Variants in CIT observed in about 807,000 individuals in gnomAD.
CIT encodes citron Rho-interacting kinase.
CIT carries 79 observed loss-of-function variants against 272.7 expected under a neutral mutation model. The observed-to-expected ratio is 0.29, with a 90% CI of 0.24 to 0.35. The LOEUF (loss-of-function observed/expected upper bound fraction) is 0.35. CIT is among the 10% of genes least tolerant of loss of function. CIT has a pLI of 1.00. For synonymous variants in CIT, 948 were observed against 995.6 expected, an observed-to-expected ratio of 0.95 and a Z score of 0.90; for missense variants, 1,909 against 2,618.3, an observed-to-expected ratio of 0.73 and a Z score of 5.91.
Position 119,712,769 on chromosome 12 carries a change from G to A in CIT, c.4580-74C>T. The A allele has an allele frequency of 8.0e-7, 1 of 1,250,162 alleles. No homozygotes were observed. The highest frequency in any genetic ancestry group is 1.8e-5 in the Admixed American group (1 of 56,478). The allele number at this position is 1,250,162 out of a possible 1,614,324, so 77.4% of individuals were successfully genotyped here. On this transcript the variant is annotated intron_variant, in intron 35 of 47. Coordinates refer to ENST00000392521, the MANE Select transcript of CIT (RefSeq NM_001206999.2). This position sits in a 1 kb window ranked among gnomAD's most constrained non-coding sequence, Gnocchi z 5.2. The stretch of plus-strand genomic sequence containing the variant: ...AGAACAAGGGGAGAAGAGAGAGCGA[G>A]AGAGACAGCAAGGGAGAGAGAGACA...
intron 46 of CIT, among the ~76,000 whole-genome samples, chr12:119,692,751 A>G (rs1956025632): frequency 6.6e-6 from 1 of 152,226 alleles, no homozygotes; most frequent in Non-Finnish European, 1.5e-5. Flanking sequence ...GTGTGCAGAG[A>G]TAATTTCATA....
chr12:119,699,273 A>T (rs919889284), intron 44 of CIT, among the ~76,000 whole-genome samples: 22 of 152,012 alleles, frequency 1.4e-4, no homozygotes, highest in African/African-American at 5.3e-4. Context: ...AAAAAAAAAA[A>T]AAAGACTGGG....
At chr12:119,777,082 C>T (rs1022733767) in intron 13 of CIT, among the ~76,000 whole-genome samples, 1 of 152,110 alleles carries the variant, frequency 6.6e-6, no homozygotes, top group Non-Finnish European at 1.5e-5. Flanking sequence ...TGGTGAAACA[C>T]TGTCTCTGCT....
At position 119,857,679 on chromosome 12, in the gene CIT, C is replaced by T. The variant is rs1302758620; in HGVS notation, c.258G>A (p.Glu86=). 6.2e-7 allele frequency: 1 copy of T among 1,614,000 alleles called. No individual in the cohort carries two copies. The highest frequency in any genetic ancestry group is 1.1e-5 in the South Asian group (1 of 91,074). The change falls in exon 4 of 48, where the codon GAG becomes GAA. Residue 86 remains glutamate (E), a synonymous_variant. Coordinates refer to ENST00000392521, the MANE Select transcript of CIT (RefSeq NM_001206999.2). ...TTGCCGAAGGCTGGAGCTCCTGTAA[C>T]TCAGCTATGGTGTCGGAATCTGCAA... ...FVRKYSDTIA[E]LQELQPSAKD... is the part of the protein sequence containing the mutation.
chr12:119,796,462 T>C (rs1009804136), intron 10 of CIT, among the ~76,000 whole-genome samples: 2 of 152,082 alleles, frequency 1.3e-5, no homozygotes, highest in African/African-American at 4.8e-5. Context: ...CAGAAAAGAA[T>C]TTACGATGAC....
At chr12:119,803,116 C>A (rs1315131553) in intron 10 of CIT, 90 bp downstream of exon 10, 3 of 381,010 alleles carry the variant, frequency 7.9e-6, no homozygotes, top group East Asian at 6.9e-5. Context: ...GCACTCCCCC[C>A]ACCTATTCCC....
intron 24 of CIT, among the ~76,000 whole-genome samples, chr12:119,740,200 T>G (rs899322706): frequency 6.6e-6 from 1 of 152,198 alleles, no homozygotes; most frequent in Non-Finnish European, 1.5e-5. Flanking sequence ...AAGCAAAGAT[T>G]AGAAGTCACC....
At position 119,745,376 on chromosome 12, in the gene CIT, A is replaced by AAAAAAAAAAAAAAAAAAAAAAAC; in HGVS notation, c.2905-2935_2905-2913dup. Among the ~76,000 whole-genome samples the AAAAAAAAAAAAAAAAAAAAAAAC allele has an allele frequency of 3.2e-5, 4 of 126,058 alleles. 1 individual carries two copies. Among genetic ancestry groups the AAAAAAAAAAAAAAAAAAAAAAAC allele is most frequent in the African/African-American group, 9.6e-5 (3 of 31,120 alleles). 82.7% of individuals were successfully genotyped at this position (126,058 alleles called of 152,430 possible). A position where few individuals can be genotyped will look rare whatever the true frequency, so the allele number is the denominator to read the frequency against. On this transcript the variant is annotated intron_variant, in intron 23 of 47. Coordinates refer to ENST00000392521, the MANE Select transcript of CIT (RefSeq NM_001206999.2). ...AAATAAAAAACAGAAGAAACAAGCA[A>AAAAAAAAAAAAAAAAAAAAAAAC]AAAAAAAAAAAAAAAAAAAAAACAC...
At chr12:119,868,258 G>C (rs1479287181) in intron 3 of CIT, among the ~76,000 whole-genome samples, 1 of 151,980 alleles carries the variant, frequency 6.6e-6, no homozygotes, top group Non-Finnish European at 1.5e-5. Context: ...GACTACATTA[G>C]TATAAAGATG....
chr12:119,745,856 C>T (rs980650742), intron 23 of CIT, among the ~76,000 whole-genome samples: 2 of 151,822 alleles, frequency 1.3e-5, no homozygotes, highest in African/African-American at 4.8e-5. Context: ...GACAGAATCA[C>T]AGACAGATTT....
intron 27 of CIT, 133 bp downstream of exon 27, chr12:119,730,362 C>A: frequency 1.9e-6 from 2 of 1,062,544 alleles, no homozygotes; most frequent in Non-Finnish European, 2.5e-6. Flanking sequence ...AACCATGGGA[C>A]ATTTTTGGAG....
At chr12:119,869,890 A>T (rs771302291) in intron 2 of CIT, among the ~76,000 whole-genome samples, 2 of 152,174 alleles carry the variant, frequency 1.3e-5, no homozygotes, top group Non-Finnish European at 2.9e-5. Context: ...GATGACGCTG[A>T]GCTGGAGCTG....
chr12:119,714,073 A>T, intron 33 of CIT, 124 bp downstream of exon 33: 2 of 1,109,208 alleles, frequency 1.8e-6, no homozygotes, highest in Non-Finnish European at 2.5e-6. Flanking sequence ...CCTCCTACTG[A>T]AGTAAGAAGC....
intron 10 of CIT, among the ~76,000 whole-genome samples, chr12:119,799,057 T>C (rs990844203): frequency 1.3e-5 from 2 of 152,170 alleles, no homozygotes; most frequent in African/African-American, 4.8e-5. Context: ...CAACAGGTAT[T>C]TGGCAACTGC....
chr12:119,857,558 C>G lies in CIT; in HGVS notation c.379G>C (p.Val127Leu). ...KATGDIYAMKVMKKKALLAQE... is the reference protein window; with the variant it reads ...KATGDIYAMKLMKKKALLAQE... ...GCCAATAAAGCCTTCTTCTTCATCA[C>G]TTTCATAGCATAGATGTCCCCGGTT... The change falls in exon 4 of 48, where the codon GTG becomes CTG. Residue 127 changes from valine to leucine, a missense_variant. By Grantham distance (32) the Val-to-Leu change is conservative (BLOSUM62 1). Around this residue, in one of 8 missense-constraint regions of CIT, gnomAD observed 529 missense variants for 549.6 expected, o/e 0.96. Coordinates refer to ENST00000392521, the MANE Select transcript of CIT (RefSeq NM_001206999.2). 1 of 1,614,210 alleles carries G rather than the reference C, an allele frequency of 6.2e-7. No homozygotes were observed. The highest frequency in any genetic ancestry group is 8.5e-7 in the Non-Finnish European group (1 of 1,180,034).
At chr12:119,836,848 A>G (rs1969054730) in intron 5 of CIT, among the ~76,000 whole-genome samples, 1 of 152,224 alleles carries the variant, frequency 6.6e-6, no homozygotes, top group South Asian at 2.1e-4. Flanking sequence ...TGACCAGTAA[A>G]ATAGTTCAGA....
rs1179894199 is a variant in CIT at position 119,876,173 on chromosome 12, C to A, written c.-5G>T. 2.5e-6 allele frequency: 4 copies of A among 1,608,566 alleles called. No individual in the cohort carries two copies. In the South Asian group the frequency reaches 4.4e-5, roughly 18 times the overall value. On this transcript the variant is annotated 5_prime_UTR_variant, in exon 2 of 48. Transcript: ENST00000392521. Reference sequence around the variant, plus strand: ...TCCATATTTGAACTTCAACATCTCCCCACTGGCGCTGAAAGGATATCAGAA... The same window carrying A: ...TCCATATTTGAACTTCAACATCTCCACACTGGCGCTGAAAGGATATCAGAA...
chr12:119,764,673 TAAGA>T (rs1252966320), intron 19 of CIT, among the ~76,000 whole-genome samples: 1 of 150,624 alleles, frequency 6.6e-6, no homozygotes, highest in East Asian at 1.9e-4. Flanking sequence ...TAGACACAGC[TAAGA>T]AAGAATTTGC....
At chr12:119,775,319 G>A (rs761645445) in intron 16 of CIT, among the ~76,000 whole-genome samples, 1 of 151,952 alleles carries the variant, frequency 6.6e-6, no homozygotes, top group African/African-American at 2.4e-5. Context: ...GAAATAAAAG[G>A]GCCATTAGCA....
Sources: allele counts gnomAD v4.1 joint callset (sites outside exome capture counted in the v4.1 genomes callset), GRCh38; gene constraint gnomAD v4.1.1; regional missense constraint gnomAD v4.1.1; non-coding constraint Gnocchi (gnomAD v3.1); transcripts MANE v1.5; gene names NCBI Gene and HGNC (gene_info 2026-07-23, HGNC 2026-07-21).